The following GPR158 variants were observed in gnomAD, a reference collection of about 807,000 sequenced individuals.
The protein encoded by GPR158 is metabotropic glycine receptor.
A neutral mutation model predicts 78.2 loss-of-function variants in GPR158; 30 were observed. That is an observed-to-expected ratio of 0.38 (90% CI 0.29 to 0.52). GPR158 has a LOEUF of 0.52. Ranked by LOEUF, GPR158 falls within the 20% of genes least tolerant of loss-of-function variation. The pLI is 0.83. For synonymous variants in GPR158, 581 were observed against 591.1 expected (o/e 0.98, Z 0.25); for missense variants, 1,463 against 1,523.5 (o/e 0.96, Z 0.66).
At chr10:25,326,526 C>A (rs528184046) in intron 2 of GPR158, among the ~76,000 whole-genome samples, 1 of 152,108 alleles carries the variant, frequency 6.6e-6, no homozygotes, top group African/African-American at 2.4e-5. Flanking sequence ...TTGCTGTGCA[C>A]GATCTCATTT....
chr10:25,340,171 T>A (rs1301020484), intron 2 of GPR158, among the ~76,000 whole-genome samples: 1 of 152,048 alleles, frequency 6.6e-6, no homozygotes, highest in Non-Finnish European at 1.5e-5. Context: ...GGATCTTGGA[T>A]CCTCAAGTCC....
chr10:25,320,978 A>T (rs866534033), intron 2 of GPR158, among the ~76,000 whole-genome samples: 1 of 152,234 alleles, frequency 6.6e-6, no homozygotes, highest in African/African-American at 2.4e-5. Context: ...ACATACACAT[A>T]CTGGATTCCT....
chr10:25,273,521 T>G (rs571132229), intron 2 of GPR158, among the ~76,000 whole-genome samples: 1 of 152,024 alleles, frequency 6.6e-6, no homozygotes, highest in East Asian at 1.9e-4. Context: ...CAAAGACTTA[T>G]GAGGTAATTT....
chr10:25,428,887 G>C (rs758539342), intron 4 of GPR158, among the ~76,000 whole-genome samples: 1 of 151,998 alleles, frequency 6.6e-6, no homozygotes, highest in Non-Finnish European at 1.5e-5. Context: ...GAAGTGCTAG[G>C]CTTGAAGTTT....
Position 25,412,402 on chromosome 10 carries a change from T to A in GPR158, c.1264T>A (p.Ser422Thr), listed in dbSNP as rs776594837. 6.2e-6 allele frequency: 10 copies of A among 1,614,062 alleles called. No individual in the cohort carries two copies. The East Asian group carries it at 2.0e-4, about 32-fold the overall frequency. The change falls in exon 4 of 11, where the codon TCC becomes ACC. Residue 422 changes from serine to threonine, a missense_variant. Coordinates refer to ENST00000376351, the MANE Select transcript of GPR158 (RefSeq NM_020752.3). ...EDKYLRLAII[S>T]FQALCMLLDF... ...TAAGTATTTACGACTTGCCATCATC[T>A]CCTTCCAAGCCCTGTGTATGCTGCT...
At chr10:25,559,421 A>AG (rs1836833465) in intron 6 of GPR158, among the ~76,000 whole-genome samples, 1 of 152,182 alleles carries the variant, frequency 6.6e-6, no homozygotes, top group Admixed American at 6.5e-5. Context: ...AATATGTAGC[A>AG]ATGTGTATCA....
chr10:25,581,050 G>A (rs1000124745), intron 7 of GPR158, among the ~76,000 whole-genome samples: 3 of 149,242 alleles, frequency 2.0e-5, no homozygotes, highest in African/African-American at 4.9e-5. Context: ...TCAGCCTCCC[G>A]AGTAGCTGGG....
At chr10:25,509,103 G>C (rs1014940516) in intron 5 of GPR158, among the ~76,000 whole-genome samples, 3 of 152,106 alleles carry the variant, frequency 2.0e-5, no homozygotes, top group African/African-American at 7.2e-5. Flanking sequence ...TGCATGGTAG[G>C]ATGTTTAGCA....
chr10:25,224,754 A>AAAC (rs1458412955), intron 2 of GPR158, among the ~76,000 whole-genome samples: 62 of 152,236 alleles, frequency 4.1e-4, no homozygotes, highest in African/African-American at 1.2e-3. Context: ...GTTTGCTACC[A>AAAC]ATTTTTGCAG....
At chr10:25,566,754 C>G (rs1223751281) in intron 6 of GPR158, among the ~76,000 whole-genome samples, 2 of 152,100 alleles carry the variant, frequency 1.3e-5, no homozygotes, top group African/African-American at 4.8e-5. Flanking sequence ...GCCAGTGATG[C>G]CAGTCTTTTT....
At chr10:25,274,745 T>C (rs1854160909) in intron 2 of GPR158, among the ~76,000 whole-genome samples, 1 of 152,220 alleles carries the variant, frequency 6.6e-6, no homozygotes, top group African/African-American at 2.4e-5. Context: ...TATTATGAAG[T>C]ATTAATTCTA....
intron 5 of GPR158, among the ~76,000 whole-genome samples, chr10:25,522,380 A>T (rs1215581502): frequency 6.6e-6 from 1 of 152,146 alleles, no homozygotes; most frequent in Non-Finnish European, 1.5e-5. Flanking sequence ...TTTTCAAGGA[A>T]ATTGTAGGCT....
chr10:25,548,713 A>T (rs1270379060), intron 5 of GPR158, among the ~76,000 whole-genome samples: 1 of 152,222 alleles, frequency 6.6e-6, no homozygotes, highest in Non-Finnish European at 1.5e-5. Context: ...CCTGAGGCAC[A>T]TGCAGACTAA....
intron 4 of GPR158, among the ~76,000 whole-genome samples, chr10:25,434,805 A>G (rs1435236187): frequency 1.3e-5 from 2 of 152,122 alleles, no homozygotes; most frequent in South Asian, 2.1e-4. Flanking sequence ...TCTCCTCTGT[A>G]TAAGGGAGAT....
intron 1 of GPR158, among the ~76,000 whole-genome samples, chr10:25,186,035 G>C (rs1852679987): frequency 6.6e-6 from 1 of 152,154 alleles, no homozygotes; most frequent in South Asian, 2.1e-4. Context: ...TCAGACCACA[G>C]TGCAATCAAA....
intron 2 of GPR158, among the ~76,000 whole-genome samples, chr10:25,253,874 A>T (rs1161534064): frequency 2.0e-5 from 3 of 152,204 alleles, no homozygotes; most frequent in African/African-American, 7.2e-5. Context: ...GCTCTTTGCC[A>T]ATTTTGTAAT....
At chr10:25,405,742 T>G (rs970239091) in intron 3 of GPR158, among the ~76,000 whole-genome samples, 3 of 152,038 alleles carry the variant, frequency 2.0e-5, no homozygotes, top group Admixed American at 2.0e-4. Flanking sequence ...TATTTCATTC[T>G]CTACTATATT....
intron 4 of GPR158, among the ~76,000 whole-genome samples, chr10:25,463,765 A>G (rs940936317): frequency 5.3e-5 from 8 of 150,754 alleles, no homozygotes; most frequent in Non-Finnish European, 1.2e-4. Context: ...TCACCCTACC[A>G]GTGAGACTCT....
intron 3 of GPR158, among the ~76,000 whole-genome samples, chr10:25,398,868 A>G (rs2039736296): frequency 6.6e-6 from 1 of 152,148 alleles, no homozygotes; most frequent in Non-Finnish European, 1.5e-5. Flanking sequence ...CAGTCGCTGC[A>G]TGTTGTAATT....
Sources: gnomAD v4.1 joint callset for allele counts (sites outside exome capture counted in the v4.1 genomes callset) on GRCh38, gnomAD v4.1.1 for gene constraint, MANE v1.5 for transcripts, NCBI Gene and HGNC (gene_info 2026-07-23, HGNC 2026-07-21) for gene names.